The following UNC13C variants were observed in gnomAD, a reference collection of about 807,000 sequenced individuals.
The protein encoded by UNC13C is unc-13 homolog C.
In UNC13C, 174 loss-of-function variants were observed where a neutral mutation model predicts 245.4. The ratio of observed to expected loss-of-function variants is 0.71; its 90% confidence interval spans 0.63 to 0.80. The LOEUF is 0.80. Among genes scored for constraint, UNC13C ranks in the 30% least tolerant of loss-of-function variants. The pLI, the probability that UNC13C is intolerant of heterozygous loss-of-function variation, is 0.00. For synonymous variants in UNC13C, 992 were observed against 895.1 expected (o/e 1.11, Z -1.93); for missense variants, 2,829 against 2,602.9 (o/e 1.09, Z -1.89).
At chr15:54,632,932 A>T (rs143892547), downstream of UNC13C, 898 of 152,382 alleles carry the variant, frequency 5.9e-3, 18 homozygotes, top group South Asian at 0.043. Context: ...TTGGGAGGTC[A>T]AGGCAGGCAG....
Position 54,014,453 on chromosome 15 carries a change from C to T in UNC13C, c.1550C>T (p.Ser517Leu). ...YDKISSQLPESDILEKQTTTH... is the reference protein window; with the variant it reads ...YDKISSQLPELDILEKQTTTH... ...AAAATCTCCTCACAGTTGCCAGAATCAGATATCTTGGAAAAGCAAACCACA... is the reference window on the plus strand; with the variant it reads ...AAAATCTCCTCACAGTTGCCAGAATTAGATATCTTGGAAAAGCAAACCACA... Residue 517 changes from serine to leucine, a missense_variant, in exon 2 of 33, where the codon TCA (serine) becomes TTA (leucine). Transcript: ENST00000260323. 1 of 1,613,724 alleles carries T rather than the reference C, an allele frequency of 6.2e-7. No homozygotes were observed. Among genetic ancestry groups the T allele is most frequent in the Non-Finnish European group, 8.5e-7 (1 of 1,179,814 alleles).
intron 24 of UNC13C, among the ~76,000 whole-genome samples, chr15:54,524,552 A>G (rs1423052203): frequency 7.9e-5 from 12 of 152,348 alleles, no homozygotes; most frequent in African/African-American, 2.9e-4. Context: ...AGAGATATGT[A>G]AATAATTCTT....
chr15:54,206,648 T>G (rs1378355162), intron 4 of UNC13C, among the ~76,000 whole-genome samples: 1 of 152,076 alleles, frequency 6.6e-6, no homozygotes, highest in East Asian at 1.9e-4. Context: ...CTGAAGGATA[T>G]AGCTCTATCT....
chr15:54,189,809 T>A (rs1410406504), intron 4 of UNC13C, among the ~76,000 whole-genome samples: 6 of 152,158 alleles, frequency 3.9e-5, no homozygotes, highest in Non-Finnish European at 8.8e-5. Flanking sequence ...CACAAACAGC[T>A]GCTTGATTGC....
intron 19 of UNC13C, among the ~76,000 whole-genome samples, chr15:54,451,199 G>A (rs1487377403): frequency 6.6e-6 from 1 of 151,248 alleles, no homozygotes; most frequent in Admixed American, 6.6e-5. Flanking sequence ...TCAGTCTAGT[G>A]ATGAGGAATT....
At chr15:54,287,185 A>AT (rs2037172678) in intron 10 of UNC13C, among the ~76,000 whole-genome samples, 1 of 152,056 alleles carries the variant, frequency 6.6e-6, no homozygotes, top group South Asian at 2.1e-4. Context: ...CACATGATAG[A>AT]TTTTTTTCCT....
intron 19 of UNC13C, among the ~76,000 whole-genome samples, chr15:54,442,250 C>CTTTTTTTT (rs35414078): frequency 2.4e-5 from 3 of 127,404 alleles, no homozygotes; most frequent in Non-Finnish European, 3.3e-5. Context: ...TGTTCCAGTT[C>CTTTTTTTT]TTTTTTTTTT....
intron 10 of UNC13C, among the ~76,000 whole-genome samples, chr15:54,284,708 G>A (rs1480529243): frequency 6.6e-6 from 1 of 151,972 alleles, no homozygotes; most frequent in Non-Finnish European, 1.5e-5. Context: ...TTCTTAAGTG[G>A]TCTCTCTTTT....
intron 29 of UNC13C, among the ~76,000 whole-genome samples, chr15:54,559,867 A>G (rs1287438500): frequency 6.6e-6 from 1 of 151,976 alleles, no homozygotes. Context: ...ATCACAGGGA[A>G]TGAAAGAGGA....
At chr15:53,838,164 A>G in the UNC13C span, among the ~76,000 whole-genome samples, 90 of 152,216 alleles carry the variant, frequency 5.9e-4, no homozygotes, top group East Asian at 0.016. Flanking sequence ...TTATGAGTCA[A>G]TTTGGGAAGG....
At chr15:54,539,639 T>A (rs1896155485) in intron 26 of UNC13C, among the ~76,000 whole-genome samples, 1 of 151,982 alleles carries the variant, frequency 6.6e-6, no homozygotes, top group South Asian at 2.1e-4. Flanking sequence ...ATGCCTTCTG[T>A]TTTTTAGAAG....
chr15:54,527,514 A>C (rs1000423032), intron 25 of UNC13C, among the ~76,000 whole-genome samples: 8 of 152,226 alleles, frequency 5.3e-5, no homozygotes, highest in Admixed American at 1.3e-4. Context: ...AAATATCTAA[A>C]TCATTCTGAT....
chr15:54,555,391 G>A (rs1897044656), intron 28 of UNC13C, 41 bp from the exon 29 acceptor site: 2 of 1,548,912 alleles, frequency 1.3e-6, no homozygotes, highest in Non-Finnish European at 1.8e-6. Context: ...TTGAATACAT[G>A]AACTGGTTGT....
chr15:54,218,815 T>C (rs993284114), intron 4 of UNC13C, among the ~76,000 whole-genome samples: 2 of 151,926 alleles, frequency 1.3e-5, no homozygotes, highest in Admixed American at 6.6e-5. Flanking sequence ...GGGGGACAGA[T>C]GGCAAAACAT....
At chr15:54,225,293 G>A (rs996815924) in intron 4 of UNC13C, among the ~76,000 whole-genome samples, 12 of 152,034 alleles carry the variant, frequency 7.9e-5, no homozygotes, top group Admixed American at 6.5e-4. Context: ...GGCTATTTGG[G>A]CTCTTTTTTG....
Position 54,378,071 on chromosome 15 carries a change from G to A in UNC13C, c.4714-14977G>A, listed in dbSNP as rs77516312. On this transcript the variant is annotated intron_variant, in intron 17 of 32. Coordinates refer to ENST00000260323, the MANE Select transcript of UNC13C (RefSeq NM_001080534.3). ...TTTATATGTAGATACCCATGTGTAC[G>A]TGGAAGTTTATAACATTTGGAGACA... Among the ~76,000 whole-genome samples, 51 of 152,094 alleles carry A rather than the reference G, an allele frequency of 3.4e-4. No individual in the cohort carries two copies. The East Asian group carries it at 8.3e-3, about 25-fold the overall frequency.
chr15:54,020,270 CT>C (rs1401075091), intron 2 of UNC13C, among the ~76,000 whole-genome samples: 5 of 148,150 alleles, frequency 3.4e-5, no homozygotes, highest in East Asian at 3.9e-4. Flanking sequence ...TAATTTTTTT[CT>C]TTTTTTCTTT....
Position 54,013,951 on chromosome 15 carries a change from G to C in UNC13C, c.1048G>C (p.Asp350His), listed in dbSNP as rs760149670. ...TCTAATAGATAAAATGGGTTTTTCAGATGCACCAAATGCTATTAAAATTGA... is the reference window on the plus strand; with the variant it reads ...TCTAATAGATAAAATGGGTTTTTCACATGCACCAAATGCTATTAAAATTGA... ...QILIDKMGFS[D>H]APNAIKIEFA... The change falls in exon 2 of 33, where the codon GAT (aspartate) becomes CAT (histidine). Residue 350 changes from aspartate to histidine, a missense_variant. Coordinates refer to ENST00000260323, the MANE Select transcript of UNC13C (RefSeq NM_001080534.3). 1.9e-6 allele frequency: 3 copies of C among 1,613,272 alleles called. No homozygotes were observed. The highest frequency in any genetic ancestry group is 2.5e-6 in the Non-Finnish European group (3 of 1,179,714).
chr15:54,419,754 T>C (rs556552409), intron 19 of UNC13C, among the ~76,000 whole-genome samples: 231 of 152,232 alleles, frequency 1.5e-3, no homozygotes, highest in Non-Finnish European at 2.4e-3. Context: ...TGGTCATCTG[T>C]GCTCCTGGAA....
Sources: gnomAD v4.1 joint callset for allele counts (sites outside exome capture counted in the v4.1 genomes callset) on GRCh38, gnomAD v4.1.1 for gene constraint, MANE v1.5 for transcripts, NCBI Gene and HGNC (gene_info 2026-07-23, HGNC 2026-07-21) for gene names.